SHISA9: variants seen among roughly 807,000 people sequenced by gnomAD.
The protein encoded by SHISA9 is protein shisa-9.
In SHISA9, 13 loss-of-function variants were observed where a neutral mutation model predicts 38.0. The observed-to-expected ratio is 0.34, with a 90% CI of 0.22 to 0.54. SHISA9 has a LOEUF of 0.54. SHISA9 is among the 20% of genes least tolerant of loss of function. The probability of loss-of-function intolerance (pLI) is 0.91; values close to 1 mark genes in which losing one functional copy is unlikely to be tolerated. For synonymous variants in SHISA9, 275 were observed against 242.0 expected (o/e 1.14, Z -1.27); for missense variants, 538 against 575.8 (o/e 0.93, Z 0.67).
chr16:13,304,806 A>G, the SHISA9 span, among the ~76,000 whole-genome samples: 2 of 152,164 alleles, frequency 1.3e-5, no homozygotes, highest in Non-Finnish European at 2.9e-5. Flanking sequence ...TGAACGGACT[A>G]AGTTAAGTGA....
intron 2 of SHISA9, among the ~76,000 whole-genome samples, chr16:13,097,870 C>G (rs949709789): frequency 1.3e-5 from 2 of 152,158 alleles, no homozygotes; most frequent in African/African-American, 4.8e-5. Context: ...TTGTCCTGGC[C>G]AATGGTGAAA....
chr16:13,113,160 A>G (rs2073996146), intron 2 of SHISA9, among the ~76,000 whole-genome samples: 1 of 149,538 alleles, frequency 6.7e-6, no homozygotes, highest in Non-Finnish European at 1.5e-5. Flanking sequence ...CAGTGAGCCA[A>G]GATCATCCTG....
chr16:13,371,085 T>C, the SHISA9 span, among the ~76,000 whole-genome samples: 1 of 152,216 alleles, frequency 6.6e-6, no homozygotes, highest in Non-Finnish European at 1.5e-5. Context: ...ATTTAACCTT[T>C]ACAATCCTAC....
intron 2 of SHISA9, among the ~76,000 whole-genome samples, chr16:13,090,431 G>C (rs2073762095): frequency 6.6e-6 from 1 of 152,270 alleles, no homozygotes; most frequent in Non-Finnish European, 1.5e-5. Flanking sequence ...TATTATGTGG[G>C]AGTCGACATC....
the SHISA9 span, among the ~76,000 whole-genome samples, chr16:13,555,306 C>CT: frequency 7.9e-5 from 12 of 152,052 alleles, no homozygotes; most frequent in African/African-American, 2.9e-4. Flanking sequence ...TTTTTCTGGG[C>CT]TTATAAACGT....
At chr16:13,357,616 T>C in the SHISA9 span, among the ~76,000 whole-genome samples, 3 of 152,208 alleles carry the variant, frequency 2.0e-5, no homozygotes, top group South Asian at 4.1e-4. Context: ...ACAGGCTTTG[T>C]GTGAGCAACA....
the SHISA9 span, among the ~76,000 whole-genome samples, chr16:13,417,364 G>C: frequency 3.3e-5 from 5 of 151,826 alleles, no homozygotes; most frequent in Non-Finnish European, 7.4e-5. Flanking sequence ...TGCGTTATTT[G>C]GGATGTTTTG....
intron 2 of SHISA9, among the ~76,000 whole-genome samples, chr16:13,124,083 G>C (rs931636201): frequency 6.6e-6 from 1 of 152,298 alleles, no homozygotes; most frequent in East Asian, 1.9e-4. Flanking sequence ...TTGGTATACA[G>C]GTGACTCTAA....
the SHISA9 span, among the ~76,000 whole-genome samples, chr16:13,302,449 G>A: frequency 6.6e-6 from 1 of 152,112 alleles, no homozygotes; most frequent in Non-Finnish European, 1.5e-5. Context: ...AATAAATGGA[G>A]CCCCTCTGGC....
At chr16:13,434,481 G>A in the SHISA9 span, among the ~76,000 whole-genome samples, 10 of 142,020 alleles carry the variant, frequency 7.0e-5, no homozygotes, top group Admixed American at 7.7e-4. Flanking sequence ...GCAGTGGCGC[G>A]ATCTCGGCTC....
chr16:13,387,169 T>G, the SHISA9 span, among the ~76,000 whole-genome samples: 1 of 152,252 alleles, frequency 6.6e-6, no homozygotes, highest in African/African-American at 2.4e-5. Context: ...TGACTTACTT[T>G]GTTATGGGTT....
At chr16:13,442,618 A>T in the SHISA9 span, among the ~76,000 whole-genome samples, 11 of 152,216 alleles carry the variant, frequency 7.2e-5, no homozygotes, top group Admixed American at 2.0e-4. Flanking sequence ...AAATTCATTT[A>T]AAAAAATCCT....
chr16:13,198,719 T>C (rs532701112), intron 2 of SHISA9, among the ~76,000 whole-genome samples: 43 of 152,362 alleles, frequency 2.8e-4, no homozygotes, highest in Admixed American at 2.1e-3. Context: ...AATGTCTGTT[T>C]AATAAATTTT....
intron 2 of SHISA9, among the ~76,000 whole-genome samples, chr16:12,969,171 A>G (rs2072021339): frequency 6.6e-6 from 1 of 151,634 alleles, no homozygotes; most frequent in South Asian, 2.1e-4. Context: ...GAAAAAAAAA[A>G]AAAGAAAAAA....
At chr16:13,102,573 A>C (rs576348003) in intron 2 of SHISA9, among the ~76,000 whole-genome samples, 2 of 152,278 alleles carry the variant, frequency 1.3e-5, no homozygotes, top group Admixed American at 1.3e-4. Context: ...CAACTTTATC[A>C]CACAGCAAAG....
At position 13,138,428 on chromosome 16, in the gene SHISA9, T is replaced by G. The variant is rs550990569; in HGVS notation, c.692-64966T>G. Among the ~76,000 whole-genome samples the G allele has an allele frequency of 1.4e-3, 219 of 152,348 alleles. 3 individuals carry two copies. Among genetic ancestry groups the G allele is most frequent in the African/African-American group, 4.8e-3 (198 of 41,572 alleles). ...CTATTATAATCAGGATGGCTACTTT[T>G]TAGACCTTAAGCTTTTGATAACAGG... On this transcript the variant is annotated intron_variant, in intron 2 of 4. Transcript: ENST00000558583.
At chr16:13,296,421 C>T in the SHISA9 span, among the ~76,000 whole-genome samples, 2 of 150,654 alleles carry the variant, frequency 1.3e-5, no homozygotes, top group Admixed American at 6.6e-5. Flanking sequence ...TTGAACAGCA[C>T]GCAGGGGGGA....
At chr16:13,345,608 A>G in the SHISA9 span, among the ~76,000 whole-genome samples, 3 of 151,812 alleles carry the variant, frequency 2.0e-5, no homozygotes, top group African/African-American at 4.8e-5. Context: ...TTTATATTCT[A>G]TTATACCCAG....
the SHISA9 span, among the ~76,000 whole-genome samples, chr16:13,257,339 T>A: frequency 3.3e-5 from 5 of 152,164 alleles, no homozygotes; most frequent in Non-Finnish European, 5.9e-5. Flanking sequence ...ATTCATTACG[T>A]GACAAGTTAT....
Sources: gnomAD v4.1 joint callset for allele counts (sites outside exome capture counted in the v4.1 genomes callset) on GRCh38, gnomAD v4.1.1 for gene constraint, MANE v1.5 for transcripts, NCBI Gene and HGNC (gene_info 2026-07-23, HGNC 2026-07-21) for gene names.